Variants in MOK observed in about 807,000 individuals in gnomAD.
The protein encoded by MOK is MOK protein kinase, also known as MAPK/MAK/MRK overlapping kinase.
A neutral mutation model predicts 54.2 loss-of-function variants in MOK; 59 were observed. The observed-to-expected ratio is 1.09, with a 90% CI of 0.88 to 1.35. MOK has a LOEUF of 1.35. Ranked by LOEUF, MOK falls within the 40% of genes most tolerant of loss-of-function variation. The pLI is 0.00. For synonymous variants in MOK, 210 were observed against 202.7 expected (o/e 1.04, Z -0.31); for missense variants, 517 against 526.2 (o/e 0.98, Z 0.17).
At chr14:102,281,498 CAAAAAAAA>C (rs1184533713) in intron 2 of MOK, among the ~76,000 whole-genome samples, 3 of 48,280 alleles carry the variant, frequency 6.2e-5, no homozygotes, top group African/African-American at 6.7e-5. Flanking sequence ...GACCCTGACT[CAAAAAAAA>C]AAAAAAAAAA....
downstream of MOK, among the ~76,000 whole-genome samples, chr14:102,220,375 A>G (rs1394376074): frequency 6.6e-6 from 1 of 152,256 alleles, no homozygotes; most frequent in Non-Finnish European, 1.5e-5. The surrounding 1 kb of genome is among the most constrained non-coding windows in gnomAD (Gnocchi z 4.2). Flanking sequence ...TCTTACCAAA[A>G]AAGTCATTAG....
chr14:102,268,128 C>A (rs2068059668), intron 2 of MOK, among the ~76,000 whole-genome samples: 1 of 152,132 alleles, frequency 6.6e-6, no homozygotes, highest in Admixed American at 6.6e-5. Context: ...GCTATTTACA[C>A]AAATATCCAT....
downstream of MOK, among the ~76,000 whole-genome samples, chr14:102,224,097 A>G (rs976134267): frequency 3.6e-5 from 5 of 139,052 alleles, no homozygotes; most frequent in African/African-American, 8.3e-5. Context: ...GCTGGAGTGC[A>G]GTGGCGCAAT....
In MOK at chr14:102,263,570, T is replaced by C. The variant is rs765357212; in HGVS notation, c.259A>G (p.Met87Val). ...CCTCGTATTAGCTCATAAATATTCATGTCCATAAGTTCACATATTAGTGCA... is the reference window on the plus strand; with the variant it reads ...CCTCGTATTAGCTCATAAATATTCACGTCCATAAGTTCACATATTAGTGCA... ...SLALICELMDMNIYELIRGRR... is the reference protein window; with the variant it reads ...SLALICELMDVNIYELIRGRR... Residue 87 changes from methionine to valine, a missense_variant, in exon 4 of 12, where the codon ATG becomes GTG. Met to Val is a conservative substitution (Grantham distance 21, BLOSUM62 1). Coordinates refer to ENST00000361847, the MANE Select transcript of MOK (RefSeq NM_014226.3). 3.1e-6 allele frequency: 5 copies of C among 1,606,534 alleles called. No individual in the cohort carries two copies. The highest frequency in any genetic ancestry group is 2.2e-5 in the East Asian group (1 of 44,760).
chr14:102,256,042 C>T (rs768994500), intron 4 of MOK, among the ~76,000 whole-genome samples: 1 of 152,204 alleles, frequency 6.6e-6, no homozygotes, highest in Non-Finnish European at 1.5e-5. Context: ...AGCACACGCC[C>T]CTCCAGCGAG....
At chr14:102,299,473 C>A (rs2071900579) in intron 1 of MOK, among the ~76,000 whole-genome samples, 1 of 152,002 alleles carries the variant, frequency 6.6e-6, no homozygotes, top group South Asian at 2.1e-4. Context: ...CAAGATCATA[C>A]CACTGCACTC....
Position 102,231,765 on chromosome 14 carries a change from G to C in MOK, c.923C>G (p.Pro308Arg), listed in dbSNP as rs767131016. ...GTTACTGAGTGGTTCCGGTGCCACA[G>C]GGTGCTCCGGAAAGCCAGCTTTTCT... ...SHRKAGFPEH[P>R]VAPEPLSNSC... Residue 308 changes from proline (P) to arginine (R), a missense_variant, in exon 10 of 12, where the codon CCT becomes CGT. By Grantham distance (103) the Pro-to-Arg change is moderately radical. Coordinates refer to ENST00000361847, the MANE Select transcript of MOK (RefSeq NM_014226.3). This position sits in a 1 kb window ranked among gnomAD's most constrained non-coding sequence, Gnocchi z 4.4. The C allele has an allele frequency of 1.1e-5, 17 of 1,612,492 alleles. No homozygotes were observed. In the South Asian group the frequency reaches 1.8e-4, roughly 17 times the overall value.
In MOK at chr14:102,294,221, C is replaced by T. The variant is rs369212530; in HGVS notation, c.8-10629G>A. Among the ~76,000 whole-genome samples the T allele has an allele frequency of 2.4e-3, 365 of 150,190 alleles. 4 individuals are homozygous for T. Among genetic ancestry groups the T allele is most frequent in the South Asian group, 0.011 (53 of 4,776 alleles). ...CAGCACTTTGGGAGGCCAAGGCGGG[C>T]GGATCACGAGGTCAGGAGATCAACA... On this transcript the variant is annotated intron_variant, in intron 1 of 11. Coordinates refer to ENST00000361847, the MANE Select transcript of MOK (RefSeq NM_014226.3).
chr14:102,261,419 ATATAT>A (rs1176694013), intron 4 of MOK, among the ~76,000 whole-genome samples: 10 of 11,372 alleles, frequency 8.8e-4, no homozygotes, highest in Non-Finnish European at 1.2e-3. Flanking sequence ...AAAAAAAAAA[ATATAT>A]ATATATATAT....
intron 6 of MOK, among the ~76,000 whole-genome samples, chr14:102,251,233 A>G (rs1204185737): frequency 1.3e-5 from 2 of 152,248 alleles, no homozygotes; most frequent in Admixed American, 6.5e-5. Flanking sequence ...AAATGCCTAC[A>G]GGTTTGGAAA....
At position 102,240,372 on chromosome 14, in the gene MOK, C is replaced by T. The variant is rs2065615641; in HGVS notation, c.591-6583G>A. The T allele has an allele frequency of 6.5e-6, 1 of 153,986 alleles. No individual in the cohort carries two copies. Among genetic ancestry groups the T allele is most frequent in the Non-Finnish European group, 1.4e-5 (1 of 69,452 alleles). The allele number at this position is 153,986 out of a possible 1,614,324, so 9.5% of individuals were successfully genotyped here. The stretch of plus-strand genomic sequence containing the variant: ...GAGGACTCCTTCGGGAGACCAGTCC[C>T]CTGTCCTTGCCCTCACTCCGTGAGG... On this transcript the variant is annotated intron_variant, in intron 7 of 11. Transcript: ENST00000361847. This position sits in a 1 kb window ranked among gnomAD's most constrained non-coding sequence, Gnocchi z 5.4.
At position 102,300,435 on chromosome 14, in the gene MOK, A is replaced by G. The variant is rs558260490; in HGVS notation, c.7+4527T>C. 4.0e-5 allele frequency among the ~76,000 whole-genome samples: 6 copies of G among 151,506 alleles called. No homozygotes were observed. In the South Asian group the frequency reaches 1.3e-3, roughly 32 times the overall value. Reference sequence around the variant, plus strand: ...GAGGAGGCACATGCCTGTGGTCCTAACTACTCAGGAGGCTGAGGTGGGAGG... The same window carrying G: ...GAGGAGGCACATGCCTGTGGTCCTAGCTACTCAGGAGGCTGAGGTGGGAGG... On this transcript the variant is annotated intron_variant, in intron 1 of 11. Coordinates refer to ENST00000361847, the MANE Select transcript of MOK (RefSeq NM_014226.3).
In MOK at chr14:102,251,744, A is replaced by G. The variant is rs1179545639; in HGVS notation, c.411+12T>C. The G allele has an allele frequency of 6.4e-7, 1 of 1,557,040 alleles. No individual in the cohort carries two copies. The highest frequency in any genetic ancestry group is 2.2e-5 in the East Asian group (1 of 44,564). On this transcript the variant is annotated intron_variant, in intron 6 of 11. Transcript: ENST00000361847. ...TTATTCTGATACCCAGCTTTCATGT[A>G]AAAGCTCTTACCTTTATTAGTATAT...
chr14:102,280,157 C>T (rs1478178797), intron 2 of MOK, among the ~76,000 whole-genome samples: 1 of 151,986 alleles, frequency 6.6e-6, no homozygotes, highest in African/African-American at 2.4e-5. Context: ...CTGCTTTCTG[C>T]CAAATCCCTC....
intron 1 of MOK, among the ~76,000 whole-genome samples, chr14:102,297,990 C>A (rs61992539): frequency 3.9e-5 from 6 of 152,216 alleles, no homozygotes; most frequent in African/African-American, 1.2e-4. Flanking sequence ...TGGGCTCCTG[C>A]GCAGCCCAAG....
At chr14:102,244,184 C>T (rs558654382) in intron 7 of MOK, among the ~76,000 whole-genome samples, 1 of 151,956 alleles carries the variant, frequency 6.6e-6, no homozygotes, top group African/African-American at 2.4e-5. Flanking sequence ...TCAGACCCCA[C>T]TGCTCGGGGC....
downstream of MOK, chr14:102,226,520 C>T (rs2064250574): frequency 1.4e-6 from 1 of 690,816 alleles, no homozygotes; most frequent in East Asian, 2.7e-5. The surrounding 1 kb of genome is among the most constrained non-coding windows in gnomAD (Gnocchi z 4.8). Context: ...CCCGCCGGGG[C>T]CCCGGCAGCA....
intron 1 of MOK, among the ~76,000 whole-genome samples, chr14:102,297,285 G>A (rs2071535107): frequency 1.3e-5 from 2 of 151,934 alleles, no homozygotes; most frequent in Non-Finnish European, 2.9e-5. Flanking sequence ...ATGAACCCAG[G>A]AGGCGGAGCT....
intron 2 of MOK, among the ~76,000 whole-genome samples, chr14:102,268,118 G>A (rs1007042442): frequency 6.6e-6 from 1 of 152,120 alleles, no homozygotes; most frequent in African/African-American, 2.4e-5. Flanking sequence ...AAACAGCTAT[G>A]CTATTTACAC....
Sources: allele counts gnomAD v4.1 joint callset (sites outside exome capture counted in the v4.1 genomes callset), GRCh38; gene constraint gnomAD v4.1.1; non-coding constraint Gnocchi (gnomAD v3.1); transcripts MANE v1.5; gene names NCBI Gene and HGNC (gene_info 2026-07-23, HGNC 2026-07-21).